MAP3K13: variants seen among roughly 807,000 people sequenced by gnomAD.
MAP3K13 encodes the protein leucine zipper-bearing kinase.
In MAP3K13, 52 loss-of-function variants were observed where a neutral mutation model predicts 104.0. The ratio of observed to expected loss-of-function variants is 0.50; its 90% CI spans 0.40 to 0.63. MAP3K13 has a LOEUF of 0.63. Among genes scored for constraint, MAP3K13 ranks in the 20% least tolerant of loss-of-function variants. MAP3K13 has a pLI of 0.00. For synonymous variants in MAP3K13, 394 were observed against 442.2 expected (o/e 0.89, Z 1.37); for missense variants, 914 against 1,218.5 (o/e 0.75, Z 3.72).
chr3:185,470,801 G>T (rs1406609329), intron 10 of MAP3K13, among the ~76,000 whole-genome samples: 1 of 152,186 alleles, frequency 6.6e-6, no homozygotes, highest in African/African-American at 2.4e-5. Context: ...CATGGAAAAT[G>T]TAATTATAAA....
At chr3:185,308,009 C>T (rs1390147922) in intron 2 of MAP3K13, among the ~76,000 whole-genome samples, 357 of 31,500 alleles carry the variant, frequency 0.011, no homozygotes, top group Middle Eastern at 0.045. Flanking sequence ...TCTTTGGGGT[C>T]TTTTTTTTTT....
intron 7 of MAP3K13, among the ~76,000 whole-genome samples, chr3:185,458,422 T>C (rs932816533): frequency 1.3e-5 from 2 of 151,396 alleles, no homozygotes; most frequent in South Asian, 2.1e-4. Flanking sequence ...TTGCGTACGA[T>C]AGCATAAAAC....
At chr3:185,438,004 C>T (rs1715135432) in intron 3 of MAP3K13, among the ~76,000 whole-genome samples, 1 of 152,068 alleles carries the variant, frequency 6.6e-6, no homozygotes, top group South Asian at 2.1e-4. Context: ...CTTAACAAAA[C>T]AAAGTTGGCC....
intron 4 of MAP3K13, among the ~76,000 whole-genome samples, chr3:185,444,232 A>T (rs533929998): frequency 1.3e-4 from 20 of 152,264 alleles, no homozygotes; most frequent in Non-Finnish European, 2.4e-4. Context: ...GCTACTTGGG[A>T]GGCTGAGGCA....
chr3:185,363,971 C>T (rs749216585), intron 1 of MAP3K13, among the ~76,000 whole-genome samples: 66 of 152,178 alleles, frequency 4.3e-4, no homozygotes, highest in Non-Finnish European at 7.1e-4. Context: ...ACTCTCTACA[C>T]TTTATAGTGT....
intron 2 of MAP3K13, among the ~76,000 whole-genome samples, chr3:185,430,610 G>T (rs1714687542): frequency 6.6e-6 from 1 of 152,092 alleles, no homozygotes; most frequent in Non-Finnish European, 1.5e-5. Context: ...CTCTGTCCAT[G>T]TCCTCGCAAA....
intron 1 of MAP3K13, among the ~76,000 whole-genome samples, chr3:185,412,566 C>T (rs1305632154): frequency 6.6e-6 from 1 of 152,118 alleles, no homozygotes; most frequent in Non-Finnish European, 1.5e-5. Flanking sequence ...TTTCAAATTT[C>T]TATTGTTGGT....
intron 7 of MAP3K13, chr3:185,451,604 C>T (rs940474474): frequency 2.7e-5 from 11 of 402,892 alleles, no homozygotes; most frequent in African/African-American, 1.4e-4. Flanking sequence ...TGAAAAAACA[C>T]GTGTTGGCCG....
chr3:185,448,938 G>A (rs931689877), intron 5 of MAP3K13, among the ~76,000 whole-genome samples: 3 of 152,094 alleles, frequency 2.0e-5, no homozygotes, highest in African/African-American at 7.2e-5. Flanking sequence ...TATGTATTAA[G>A]GAGATTCACA....
intron 2 of MAP3K13, among the ~76,000 whole-genome samples, chr3:185,298,661 A>G (rs1327324252): frequency 6.6e-6 from 1 of 152,210 alleles, no homozygotes; most frequent in Non-Finnish European, 1.5e-5. Context: ...AAGAGACAGA[A>G]GTAATGCAAA....
At chr3:185,341,964 A>G (rs989066219) in intron 2 of MAP3K13, among the ~76,000 whole-genome samples, 1 of 152,248 alleles carries the variant, frequency 6.6e-6, no homozygotes, top group African/African-American at 2.4e-5. Flanking sequence ...GAACTAGGTC[A>G]TAAGAAGCAC....
intron 2 of MAP3K13, among the ~76,000 whole-genome samples, chr3:185,287,912 C>G (rs1246893203): frequency 1.3e-5 from 2 of 152,184 alleles, no homozygotes; most frequent in Non-Finnish European, 2.9e-5. Flanking sequence ...TGGCACATGC[C>G]TGTAATCCCA....
intron 2 of MAP3K13, among the ~76,000 whole-genome samples, chr3:185,307,543 C>CT (rs1553786577): frequency 6.1e-5 from 3 of 49,004 alleles, no homozygotes; most frequent in Non-Finnish European, 1.5e-4. Flanking sequence ...GGTGCACCAC[C>CT]CCCTCCCCCG....
chr3:185,284,545 A>G (rs1223881471), intron 1 of MAP3K13, among the ~76,000 whole-genome samples: 4 of 151,858 alleles, frequency 2.6e-5, no homozygotes, highest in Non-Finnish European at 5.9e-5. Context: ...GTGAAACCCC[A>G]TCTCTACTAA....
At position 185,455,285 on chromosome 3, in the gene MAP3K13, A is replaced by ATAT. The variant is rs1716444387; in HGVS notation, c.1278+3890_1278+3891insTAT. Among the ~76,000 whole-genome samples the ATAT allele has an allele frequency of 7.9e-4, 16 of 20,204 alleles. 2 individuals are homozygous for ATAT. Among genetic ancestry groups the ATAT allele is most frequent in the African/African-American group, 1.5e-3 (15 of 9,994 alleles). 13.3% of individuals were successfully genotyped at this position (20,204 alleles called of 152,430 possible). A position where few individuals can be genotyped will look rare whatever the true frequency, so the allele number is the denominator to read the frequency against. ...ATATGAGATATATATGAGATATATG[A>ATAT]GATATATATATGAGATATATATGAG... is the stretch of plus-strand genomic sequence containing the variant. On this transcript the variant is annotated intron_variant, in intron 7 of 13. Transcript: ENST00000265026.
chr3:185,410,472 C>T (rs1397475567), intron 1 of MAP3K13, among the ~76,000 whole-genome samples: 1 of 151,764 alleles, frequency 6.6e-6, no homozygotes, highest in African/African-American at 2.4e-5. Context: ...ATATATATTC[C>T]CAAATAGCTA....
intron 1 of MAP3K13, among the ~76,000 whole-genome samples, chr3:185,373,650 A>G (rs947749440): frequency 4.6e-5 from 7 of 152,178 alleles, no homozygotes; most frequent in African/African-American, 1.7e-4. Context: ...TCAAAAAACA[A>G]ACAAACAAAA....
At chr3:185,295,194 G>T (rs1436529457) in intron 2 of MAP3K13, among the ~76,000 whole-genome samples, 1 of 151,766 alleles carries the variant, frequency 6.6e-6, no homozygotes, top group Non-Finnish European at 1.5e-5. Context: ...ATTTGTTGTT[G>T]TTTTTGTTGT....
At chr3:185,346,987 GT>G (rs201877429) in intron 2 of MAP3K13, among the ~76,000 whole-genome samples, 19,529 of 127,560 alleles carry the variant, frequency 0.15, 1,537 homozygotes, top group Non-Finnish European at 0.2. Context: ...CACAAAGGAA[GT>G]TTTTTTTTTT....
Sources: allele counts gnomAD v4.1 joint callset (sites outside exome capture counted in the v4.1 genomes callset), GRCh38; gene constraint gnomAD v4.1.1; transcripts MANE v1.5; gene names NCBI Gene and HGNC (gene_info 2026-07-23, HGNC 2026-07-21).